TTC3: variants seen among roughly 807,000 people sequenced by gnomAD.
TTC3 encodes the protein E3 ubiquitin-protein ligase TTC3.
Under a neutral mutation model 249.6 loss-of-function variants are expected in TTC3, and 180 were observed. That is an observed-to-expected ratio of 0.72 (90% CI 0.64 to 0.82). The LOEUF is 0.82. TTC3 is among the 40% of genes least tolerant of loss of function. TTC3 has a pLI of 0.00. For synonymous variants in TTC3, 717 were observed against 805.0 expected (o/e 0.89, Z 1.85); for missense variants, 2,061 against 2,398.4 (o/e 0.86, Z 2.94).
At chr21:37,091,739 G>T (rs2073305462) in intron 7 of TTC3, 2 of 154,310 alleles carry the variant, frequency 1.3e-5, no homozygotes, top group Non-Finnish European at 2.9e-5. Context: ...CTGCTACCAC[G>T]CCTGGCTAAT....
intron 18 of TTC3, among the ~76,000 whole-genome samples, chr21:37,137,938 C>T (rs966757356): frequency 7.9e-5 from 12 of 152,114 alleles, no homozygotes; most frequent in African/African-American, 1.9e-4. Context: ...GTGTAGATGA[C>T]GGTTGATGGG....
At chr21:37,201,285 T>A (rs375637516) in intron 45 of TTC3, among the ~76,000 whole-genome samples, 155 bp from the exon 46 acceptor site, 1 of 152,184 alleles carries the variant, frequency 6.6e-6, no homozygotes, top group South Asian at 2.1e-4. Context: ...CACTCTGGCC[T>A]GAGCGGGTGT....
intron 10 of TTC3, among the ~76,000 whole-genome samples, chr21:37,104,702 C>CTTCAA (rs2074906452): frequency 6.6e-6 from 1 of 151,244 alleles, no homozygotes; most frequent in Non-Finnish European, 1.5e-5. Context: ...GGATGGGAAA[C>CTTCAA]ATGTTTGGAA....
intron 35 of TTC3, among the ~76,000 whole-genome samples, chr21:37,179,547 G>A (rs551419468): frequency 1.2e-4 from 19 of 152,176 alleles, no homozygotes; most frequent in East Asian, 7.7e-4. Flanking sequence ...TACTTCAAGC[G>A]CACTGCTTAC....
intron 1 of TTC3, among the ~76,000 whole-genome samples, chr21:37,079,467 C>T (rs1156587607): frequency 7.6e-6 from 1 of 130,722 alleles, no homozygotes; most frequent in African/African-American, 3.0e-5. Context: ...TTCTTTTAGT[C>T]AGTTTTGGTA....
At chr21:37,196,399 G>A (rs1274024301) in intron 42 of TTC3, among the ~76,000 whole-genome samples, 1 of 152,022 alleles carries the variant, frequency 6.6e-6, no homozygotes, top group Non-Finnish European at 1.5e-5. Flanking sequence ...ACTAAGCCTG[G>A]CTAATTTTTG....
intron 11 of TTC3, among the ~76,000 whole-genome samples, chr21:37,115,761 A>C (rs759385516): frequency 2.6e-5 from 4 of 151,756 alleles, no homozygotes; most frequent in Non-Finnish European, 5.9e-5. Context: ...TGGCATCCTC[A>C]CTGTTCCTCA....
At chr21:37,121,745 A>AT in intron 11 of TTC3, 72 bp from the exon 12 acceptor site, 1 of 1,391,590 alleles carries the variant, frequency 7.2e-7, no homozygotes, top group Non-Finnish European at 9.5e-7. Flanking sequence ...CAAGCAAAAC[A>AT]TTTTTCCTTA....
At chr21:37,161,963 T>C (rs1294899844) in intron 30 of TTC3, 27 bp from the exon 31 acceptor site, 2 of 1,480,064 alleles carry the variant, frequency 1.4e-6, no homozygotes, top group Non-Finnish European at 1.8e-6. Flanking sequence ...TAGAAAATCA[T>C]TGTCATTTTT....
At chr21:37,163,297 TTA>T (rs2080942873) in intron 31 of TTC3, among the ~76,000 whole-genome samples, 1 of 152,222 alleles carries the variant, frequency 6.6e-6, no homozygotes, top group African/African-American at 2.4e-5. Context: ...CAGCCTGGTT[TTA>T]GAGTCCACAC....
intron 45 of TTC3, 64 bp from the exon 46 acceptor site, chr21:37,201,376 A>G (rs2085483633): frequency 6.2e-7 from 1 of 1,607,650 alleles, no homozygotes; most frequent in Non-Finnish European, 8.5e-7. Flanking sequence ...GCCCAGCAGC[A>G]CAGGGGAGCT....
chr21:37,077,187 T>C (rs907846346), intron 1 of TTC3, among the ~76,000 whole-genome samples: 8 of 152,184 alleles, frequency 5.3e-5, no homozygotes, highest in Non-Finnish European at 1.2e-4. Flanking sequence ...ATAATCAGTT[T>C]TACTTTAAAA....
intron 7 of TTC3, among the ~76,000 whole-genome samples, chr21:37,092,494 C>A (rs1402734739): frequency 6.6e-6 from 1 of 152,146 alleles, no homozygotes; most frequent in African/African-American, 2.4e-5. Flanking sequence ...ATTCTATTTT[C>A]TTTATAATAG....
intron 23 of TTC3, among the ~76,000 whole-genome samples, chr21:37,149,730 T>C (rs1395976669): frequency 6.6e-6 from 1 of 152,206 alleles, no homozygotes; most frequent in African/African-American, 2.4e-5. Context: ...CAATCTAAGT[T>C]GAAGAATGAC....
At chr21:37,098,410 T>C (rs1372316480) in intron 10 of TTC3, 2 of 153,486 alleles carry the variant, frequency 1.3e-5, no homozygotes, top group African/African-American at 2.4e-5. Context: ...AAGATCCTTC[T>C]AATACCTTGC....
chr21:37,168,749 GT>G (rs2081464393), intron 34 of TTC3, among the ~76,000 whole-genome samples: 2 of 300 alleles, frequency 6.7e-3, no homozygotes, highest in Non-Finnish European at 0.013. Flanking sequence ...GCTTAAAACA[GT>G]AAAATATTTC....
intron 5 of TTC3, 87 bp downstream of exon 5, chr21:37,088,973 T>C: frequency 8.4e-7 from 1 of 1,193,404 alleles, no homozygotes. Context: ...GACTAATTTA[T>C]AGCAATTAAC....
In TTC3 at chr21:37,197,682, C is replaced by T. The variant is rs377392902; in HGVS notation, c.5692C>T (p.Gln1898Ter). Residue 1898 changes from glutamine to a stop codon, truncating the protein, a stop_gained, in exon 43 of 46, where the codon CAG (glutamine) becomes TAG (stop). Coordinates refer to ENST00000355666, the Ensembl canonical transcript of TTC3. LOFTEE classifies it high-confidence loss of function. ...AGTGACAGAACACATTCTAGATGAA[C>T]AGAAAAAGAAAAAGGTATTTTATCT... is the stretch of plus-strand genomic sequence containing the variant. 2 of 1,583,104 alleles carry T rather than the reference C, an allele frequency of 1.3e-6. No homozygotes were observed. The highest frequency in any genetic ancestry group is 8.6e-7 in the Non-Finnish European group (1 of 1,169,078).
intron 21 of TTC3, among the ~76,000 whole-genome samples, chr21:37,144,871 A>G (rs1055608729): frequency 1.3e-5 from 2 of 152,132 alleles, no homozygotes; most frequent in South Asian, 2.1e-4. Flanking sequence ...AGCCCCGTGC[A>G]GGGGGGCACT....
Sources: allele counts gnomAD v4.1 joint callset (sites outside exome capture counted in the v4.1 genomes callset), GRCh38; gene constraint gnomAD v4.1.1; transcripts MANE v1.5; gene names NCBI Gene and HGNC (gene_info 2026-07-23, HGNC 2026-07-21).